The following FAHD2A variants were observed in gnomAD, a reference collection of about 807,000 sequenced individuals.
FAHD2A encodes the protein fumarylacetoacetate hydrolase domain containing 2A, also known as oxaloacetate tautomerase FAHD2A, mitochondrial.
FAHD2A carries 27 observed loss-of-function variants against 33.4 expected under a neutral mutation model. That is an observed-to-expected ratio of 0.81 (90% CI 0.60 to 1.11). FAHD2A has a LOEUF of 1.11. FAHD2A is among the 50% of genes most tolerant of loss of function. The pLI is 0.00. For missense variants in FAHD2A, 296 were observed against 395.0 expected, an observed-to-expected ratio of 0.75 and a Z score of 2.12; for synonymous variants, 130 against 153.3, an observed-to-expected ratio of 0.85 and a Z score of 1.12.
chr2:95,413,522 A>G lies in FAHD2A; in HGVS notation c.*565A>G. 1 of 1,605,998 alleles carries G rather than the reference A, an allele frequency of 6.2e-7. No homozygotes were observed. The highest frequency in any genetic ancestry group is 1.1e-5 in the South Asian group (1 of 89,862). The stretch of plus-strand genomic sequence containing the variant: ...TTGTCCAGGCTGGCAAAAGTAGGGG[A>G]CAGGTGGAGCCTGGGGCCTGCAGGG... On this transcript the variant is annotated 3_prime_UTR_variant, in exon 8 of 8. Coordinates refer to ENST00000233379, the MANE Select transcript of FAHD2A (RefSeq NM_016044.3).
At position 95,412,537 on chromosome 2, in the gene FAHD2A, C is replaced by G. The variant is rs1682704789; in HGVS notation, c.789C>G (p.Val263=). 1 of 1,613,904 alleles carries G rather than the reference C, an allele frequency of 6.2e-7. No individual in the cohort carries two copies. The highest frequency in any genetic ancestry group is 8.5e-7 in the Non-Finnish European group (1 of 1,179,878). The change falls in exon 6 of 8, where the codon GTC becomes GTG. Residue 263 remains valine, a synonymous_variant. Coordinates refer to ENST00000233379, the MANE Select transcript of FAHD2A (RefSeq NM_016044.3). Reference sequence around the variant, plus strand: ...AGACAGAGGACCTGATAGCCTGGGTCTCCCAGTGAGTGACAGGGGCTGTCC... The same window carrying G: ...AGACAGAGGACCTGATAGCCTGGGTGTCCCAGTGAGTGACAGGGGCTGTCC... ...VFKTEDLIAW[V]SQFVTFYPGD...
At chr2:95,404,920 G>A (rs1367883318) in intron 1 of FAHD2A, among the ~76,000 whole-genome samples, 3 of 152,224 alleles carry the variant, frequency 2.0e-5, no homozygotes, top group African/African-American at 7.2e-5. Flanking sequence ...CTAGAAGACT[G>A]GGACAGCCTG....
At chr2:95,411,495 C>T (rs561901953) in intron 5 of FAHD2A, among the ~76,000 whole-genome samples, 9 of 152,260 alleles carry the variant, frequency 5.9e-5, no homozygotes, top group Non-Finnish European at 1.0e-4. Flanking sequence ...GAGGGCAGAG[C>T]GCAGCCTCTT....
At chr2:95,420,781 G>A (rs1480106565), downstream of FAHD2A, among the ~76,000 whole-genome samples, 1 of 151,938 alleles carries the variant, frequency 6.6e-6, no homozygotes, top group Non-Finnish European at 1.5e-5. Context: ...AAGGAATGGG[G>A]AACATGGCTA....
At position 95,406,634 on chromosome 2, in the gene FAHD2A, C is replaced by T. The variant is rs372786528; in HGVS notation, c.246-307C>T. On this transcript the variant is annotated intron_variant, in intron 2 of 7. Transcript: ENST00000233379. ...GAGAAGAATATCCATAGAGTAGCTG[C>T]GAAGAGCCAGGGGAACGGGGTAACC... Among the ~76,000 whole-genome samples, 1,401 of 152,088 alleles carry T rather than the reference C, an allele frequency of 9.2e-3. 12 individuals are homozygous for T. Among genetic ancestry groups the T allele is most frequent in the South Asian group, 0.027 (128 of 4,806 alleles).
rs1683042035 is a variant in FAHD2A at position 95,415,278 on chromosome 2, G to C, written c.*2321G>C. ...GGACAGGGCACAGTTTGGAGGCCTTGGTCCAGCCACTGCCCCAGACCCACC... is the reference window on the plus strand; with the variant it reads ...GGACAGGGCACAGTTTGGAGGCCTTCGTCCAGCCACTGCCCCAGACCCACC... On this transcript the variant is annotated 3_prime_UTR_variant, in exon 8 of 8. Coordinates refer to ENST00000233379, the MANE Select transcript of FAHD2A (RefSeq NM_016044.3). 1 of 152,092 alleles carries C rather than the reference G, an allele frequency of 6.6e-6. No homozygotes were observed. Among genetic ancestry groups the C allele is most frequent in the Non-Finnish European group, 1.5e-5 (1 of 68,034 alleles). The allele number at this position is 152,092 out of a possible 1,614,324, so 9.4% of individuals were successfully genotyped here. A position where few individuals can be genotyped will look rare whatever the true frequency, so the allele number is the denominator to read the frequency against.
intron 3 of FAHD2A, among the ~76,000 whole-genome samples, chr2:95,407,729 T>G (rs1288127046): frequency 6.6e-6 from 1 of 152,238 alleles, no homozygotes; most frequent in East Asian, 1.9e-4. Flanking sequence ...GAATAAACCC[T>G]TTGGAATTTA....
At chr2:95,409,698 T>C (rs1235566825) in intron 3 of FAHD2A, among the ~76,000 whole-genome samples, 5 of 152,250 alleles carry the variant, frequency 3.3e-5, no homozygotes, top group African/African-American at 1.2e-4. Context: ...TTTATTCCTG[T>C]CTTCAATATC....
Position 95,408,062 on chromosome 2 carries a change from A to T in FAHD2A, c.462+905A>T, listed in dbSNP as rs185096723. On this transcript the variant is annotated intron_variant, in intron 3 of 7. Transcript: ENST00000233379. ...TTTTTTTTTTTTTTTTTTTTTTTGCAGGGTATGGGGTGGAGGGGACCTTTT... is the reference window on the plus strand; with the variant it reads ...TTTTTTTTTTTTTTTTTTTTTTTGCTGGGTATGGGGTGGAGGGGACCTTTT... Among the ~76,000 whole-genome samples the T allele has an allele frequency of 7.9e-3, 567 of 71,676 alleles. 6 individuals carry two copies. Among genetic ancestry groups the T allele is most frequent in the African/African-American group, 0.024 (524 of 21,788 alleles). 47.0% of individuals were successfully genotyped at this position (71,676 alleles called of 152,430 possible).
chr2:95,413,731 C>G lies in FAHD2A; in HGVS notation c.*774C>G. 1 of 778,246 alleles carries G rather than the reference C, an allele frequency of 1.3e-6. No homozygotes were observed. Among genetic ancestry groups the G allele is most frequent in the Non-Finnish European group, 2.1e-6 (1 of 486,430 alleles). The allele number at this position is 778,246 out of a possible 1,614,324, so 48.2% of individuals were successfully genotyped here. ...CCTCAAAGCAGCCCCAATACCCCAC[C>G]TAGAAGGATGAGCCAGTGATTTGGG... On this transcript the variant is annotated 3_prime_UTR_variant, in exon 8 of 8. Transcript: ENST00000233379.
At chr2:95,403,673 T>C (rs1288283765) in intron 1 of FAHD2A, among the ~76,000 whole-genome samples, 1 of 152,234 alleles carries the variant, frequency 6.6e-6, no homozygotes, top group African/African-American at 2.4e-5. Flanking sequence ...AAGGACTTCA[T>C]GTCACCTGGA....
chr2:95,415,323 C>T lies in FAHD2A; in HGVS notation c.*2366C>T, dbSNP rs1462116472. 6.6e-6 allele frequency: 1 copy of T among 151,982 alleles called. No individual in the cohort carries two copies. Among genetic ancestry groups the T allele is most frequent in the Non-Finnish European group, 1.5e-5 (1 of 68,044 alleles). 9.4% of individuals were successfully genotyped at this position (151,982 alleles called of 1,614,324 possible). A position where few individuals can be genotyped will look rare whatever the true frequency, so the allele number is the denominator to read the frequency against. On this transcript the variant is annotated 3_prime_UTR_variant, in exon 8 of 8. Transcript: ENST00000233379. ...CCCACCTTGGCTCTCTCCTCACTAA[C>T]ACCCGAGAAGCCCAGACTTCCCAGT...
rs775445209 is a variant in FAHD2A, at chr2:95,405,624, A to G, written c.66A>G (p.Gln22=). 9 of 1,613,994 alleles carry G rather than the reference A, an allele frequency of 5.6e-6. No homozygotes were observed. The highest frequency in any genetic ancestry group is 1.6e-4 in the Middle Eastern group (1 of 6,062). ...VLLQAQKWPF[Q]PSRDMRLVQF... ...TGCAGGCTCAGAAGTGGCCCTTTCAACCCTCCAGAGACATGAGACTAGTGC... is the reference window on the plus strand; with the variant it reads ...TGCAGGCTCAGAAGTGGCCCTTTCAGCCCTCCAGAGACATGAGACTAGTGC... The change falls in exon 2 of 8, where the codon CAA becomes CAG. Residue 22 remains glutamine (Q), a synonymous_variant. Transcript: ENST00000233379.
chr2:95,406,583 G>A (rs1478204689), intron 2 of FAHD2A, among the ~76,000 whole-genome samples: 1 of 151,974 alleles, frequency 6.6e-6, no homozygotes, highest in African/African-American at 2.4e-5. Context: ...TAAATAGTAT[G>A]CTATCATTTG....
chr2:95,407,331 T>A (rs988132853), intron 3 of FAHD2A, 174 bp downstream of exon 3: 6 of 924,834 alleles, frequency 6.5e-6, no homozygotes, highest in East Asian at 2.7e-5. Flanking sequence ...TTAATGTACG[T>A]GTTTTCCTGG....
At position 95,414,906 on chromosome 2, in the gene FAHD2A, TA is replaced by T. The variant is rs1353238532; in HGVS notation, c.*1958del. ...ATAAGCAGCCAGGGAAAGGCTTTCT[TA>T]AAAAAAAACAAAAAACAAAACCAAT... On this transcript the variant is annotated 3_prime_UTR_variant, in exon 8 of 8. Transcript: ENST00000233379. The T allele has an allele frequency of 2.0e-5, 3 of 150,242 alleles. No homozygotes were observed. The highest frequency in any genetic ancestry group is 3.0e-5 in the Non-Finnish European group (2 of 67,596). 9.3% of individuals were successfully genotyped at this position (150,242 alleles called of 1,614,324 possible).
rs904580162 is a variant in FAHD2A, at chr2:95,411,102, A to G, written c.685+76A>G. 6 of 1,576,348 alleles carry G rather than the reference A, an allele frequency of 3.8e-6. No homozygotes were observed. The African/African-American group carries it at 6.7e-5, about 18-fold the overall frequency. ...GCGCTTCAGGGAGGAGCATGGGTTC[A>G]GGTACATGTGGCACCTGCCCTCCCT... On this transcript the variant is annotated intron_variant, in intron 5 of 7. Transcript: ENST00000233379.
At chr2:95,407,830 A>G (rs538767772) in intron 3 of FAHD2A, among the ~76,000 whole-genome samples, 4 of 152,290 alleles carry the variant, frequency 2.6e-5, no homozygotes, top group African/African-American at 9.6e-5. Flanking sequence ...TTACACATCC[A>G]CCAGTAGTGT....
chr2:95,410,289 T>G (rs1682256084), intron 3 of FAHD2A, among the ~76,000 whole-genome samples: 1 of 152,194 alleles, frequency 6.6e-6, no homozygotes, highest in Non-Finnish European at 1.5e-5. Context: ...CAGTCAGTGG[T>G]GTGGGGACCT....
Sources: gnomAD v4.1 joint callset for allele counts (sites outside exome capture counted in the v4.1 genomes callset) on GRCh38, gnomAD v4.1.1 for gene constraint, MANE v1.5 for transcripts, NCBI Gene and HGNC (gene_info 2026-07-23, HGNC 2026-07-21) for gene names.